AGAP1: variants seen among roughly 807,000 people sequenced by gnomAD.
AGAP1 encodes arf-GAP with GTPase, ANK repeat and PH domain-containing protein 1.
In AGAP1, 29 loss-of-function variants were observed where a neutral mutation model predicts 105.3. That is an observed-to-expected ratio of 0.28 (90% CI 0.21 to 0.38). The LOEUF (loss-of-function observed/expected upper bound fraction) is 0.38, where lower values mean the gene tolerates loss of function less well. Ranked by LOEUF, AGAP1 falls within the 10% of genes least tolerant of loss-of-function variation. The pLI is 1.00. For synonymous variants in AGAP1, 509 were observed against 485.9 expected (o/e 1.05, Z -0.63); for missense variants, 998 against 1,165.1 (o/e 0.86, Z 2.09).
At chr2:235,503,941 C>T (rs531181505) in intron 1 of AGAP1, among the ~76,000 whole-genome samples, 2 of 152,308 alleles carry the variant, frequency 1.3e-5, no homozygotes, top group South Asian at 4.1e-4. Context: ...GGCTGAAGTA[C>T]AGTGGCACGA....
At chr2:235,742,883 G>T (rs1952673531) in intron 4 of AGAP1, among the ~76,000 whole-genome samples, 1 of 152,132 alleles carries the variant, frequency 6.6e-6, no homozygotes, top group Non-Finnish European at 1.5e-5. Flanking sequence ...ATCTACAGAA[G>T]AGGCTAGGTG....
chr2:236,051,373 C>T lies in AGAP1; in HGVS notation c.2114+2092C>T, dbSNP rs1462959649. The stretch of plus-strand genomic sequence containing the variant: ...GCAGTTCCCTGGTGATTGGTGAAGG[C>T]TCTCAGGGCTGCCTGAGGATGCCAG... On this transcript the variant is annotated intron_variant, in intron 16 of 17. Transcript: ENST00000304032. The surrounding 1 kb of genome is among the most constrained non-coding windows in gnomAD (Gnocchi z 5.9). 6.6e-6 allele frequency among the ~76,000 whole-genome samples: 1 copy of T among 152,198 alleles called. No homozygotes were observed. The highest frequency in any genetic ancestry group is 1.5e-5 in the Non-Finnish European group (1 of 68,030).
rs193096312 is a variant in AGAP1 at position 235,620,410 on chromosome 2, C to G, written c.164-88769C>G. ...CCTCTGCCAAAACCTCCTCCTGGCC[C>G]TCGCCTTCTGCCACTCTCCCCTTGC... On this transcript the variant is annotated intron_variant, in intron 1 of 17. Transcript: ENST00000304032. The surrounding 1 kb of genome is among the most constrained non-coding windows in gnomAD (Gnocchi z 4.5). Among the ~76,000 whole-genome samples the G allele has an allele frequency of 2.2e-3, 332 of 152,322 alleles. No individual in the cohort carries two copies. The highest frequency in any genetic ancestry group is 3.9e-3 in the South Asian group (19 of 4,830).
At chr2:235,940,413 A>G (rs1009936047) in intron 12 of AGAP1, among the ~76,000 whole-genome samples, 8 of 152,040 alleles carry the variant, frequency 5.3e-5, no homozygotes, top group Non-Finnish European at 8.8e-5. Flanking sequence ...TAGATTCCCA[A>G]TTCTTGATTT....
At position 235,958,230 on chromosome 2, in the gene AGAP1, C is replaced by T. The variant is rs13412569; in HGVS notation, c.1484-10232C>T. ...TCGTGGCGTGCCCCTCATCAAACTA[C>T]GTCCCCTGAGGGAGAGTGGTTGGAG... On this transcript the variant is annotated intron_variant, in intron 12 of 17. Coordinates refer to ENST00000304032, the MANE Select transcript of AGAP1 (RefSeq NM_001037131.3). The surrounding 1 kb of genome is among the most constrained non-coding windows in gnomAD (Gnocchi z 4.1). Among the ~76,000 whole-genome samples the T allele has an allele frequency of 2.2e-4, 33 of 152,268 alleles. No individual in the cohort carries two copies. The East Asian group carries it at 4.1e-3, about 19-fold the overall frequency.
At chr2:235,702,934 G>GTTTTTTGTTTTTTTTTTTT (rs1950326496) in intron 1 of AGAP1, among the ~76,000 whole-genome samples, 1 of 88,946 alleles carries the variant, frequency 1.1e-5, no homozygotes, top group African/African-American at 3.7e-5. Flanking sequence ...AGTTTTCTTG[G>GTTTTTTGTTTTTTTTTTTT]TTTTTTTTTT....
chr2:235,735,772 A>C (rs1041385212), intron 3 of AGAP1, among the ~76,000 whole-genome samples: 2 of 152,128 alleles, frequency 1.3e-5, no homozygotes, highest in Non-Finnish European at 2.9e-5. Flanking sequence ...GGGCAAACTA[A>C]GGCACCCAGC....
rs2054434900 is a variant in AGAP1 at position 235,967,149 on chromosome 2, A to G, written c.1484-1313A>G. On this transcript the variant is annotated intron_variant, in intron 12 of 17. Coordinates refer to ENST00000304032, the MANE Select transcript of AGAP1 (RefSeq NM_001037131.3). The surrounding 1 kb of genome is among the most constrained non-coding windows in gnomAD (Gnocchi z 4.7). The stretch of plus-strand genomic sequence containing the variant: ...CAGGCCTCTCCCACCCACACCGGCC[A>G]CCGCCACTCGGGCCCCCTCTCCGTT... Among the ~76,000 whole-genome samples, 1 of 151,458 alleles carries G rather than the reference A, an allele frequency of 6.6e-6. No homozygotes were observed. Among genetic ancestry groups the G allele is most frequent in the African/African-American group, 2.4e-5 (1 of 41,202 alleles).
At chr2:235,803,403 C>T (rs1302926857) in intron 8 of AGAP1, among the ~76,000 whole-genome samples, 18 of 152,154 alleles carry the variant, frequency 1.2e-4, no homozygotes, top group Non-Finnish European at 2.6e-4. Context: ...GACTCTTCAT[C>T]CCTGGCAGTT....
intron 6 of AGAP1, among the ~76,000 whole-genome samples, chr2:235,760,224 C>G (rs1954323244): frequency 6.6e-6 from 1 of 152,062 alleles, no homozygotes; most frequent in South Asian, 2.1e-4. Flanking sequence ...TCTAAAAATA[C>G]AAAAATTAGC....
At chr2:236,023,840 C>T (rs914660918) in intron 13 of AGAP1, among the ~76,000 whole-genome samples, 1 of 152,060 alleles carries the variant, frequency 6.6e-6, no homozygotes, top group Non-Finnish European at 1.5e-5. Context: ...GCCTCAGGAG[C>T]CTGGATTTCA....
chr2:236,082,123 C>T lies in AGAP1; in HGVS notation c.2114+32842C>T, dbSNP rs967851714. Among the ~76,000 whole-genome samples, 9 of 152,286 alleles carry T rather than the reference C, an allele frequency of 5.9e-5. No individual in the cohort carries two copies. The highest frequency in any genetic ancestry group is 1.9e-4 in the East Asian group (1 of 5,174). On this transcript the variant is annotated intron_variant, in intron 16 of 17. Coordinates refer to ENST00000304032, the MANE Select transcript of AGAP1 (RefSeq NM_001037131.3). This position sits in a 1 kb window ranked among gnomAD's most constrained non-coding sequence, Gnocchi z 4.2. ...TCCTCTGGTGCCCTTTTCTTTCCCCCGATCACATTTGCTAGATGTCCATTT... is the reference window on the plus strand; with the variant it reads ...TCCTCTGGTGCCCTTTTCTTTCCCCTGATCACATTTGCTAGATGTCCATTT...
Position 235,648,661 on chromosome 2 carries a change from C to CA in AGAP1, c.164-60517dup, listed in dbSNP as rs1947472437. Reference sequence around the variant, plus strand: ...AGCCGAGGCAGGCAGATCACTAGGTCAGGAGATTGAGACCATCCTGGCTAA... The same window carrying CA: ...AGCCGAGGCAGGCAGATCACTAGGTCAAGGAGATTGAGACCATCCTGGCTAA... On this transcript the variant is annotated intron_variant, in intron 1 of 17. Coordinates refer to ENST00000304032, the MANE Select transcript of AGAP1 (RefSeq NM_001037131.3). Among the ~76,000 whole-genome samples the CA allele has an allele frequency of 2.7e-5, 4 of 145,538 alleles. No homozygotes were observed. The South Asian group carries it at 6.5e-4, about 24-fold the overall frequency.
rs1441342337 is a variant in AGAP1, at chr2:235,824,508, G to T, written c.1050+17177G>T. Among the ~76,000 whole-genome samples the T allele has an allele frequency of 6.6e-6, 1 of 152,224 alleles. No homozygotes were observed. The highest frequency in any genetic ancestry group is 1.5e-5 in the Non-Finnish European group (1 of 68,042). On this transcript the variant is annotated intron_variant, in intron 9 of 17. Coordinates refer to ENST00000304032, the MANE Select transcript of AGAP1 (RefSeq NM_001037131.3). This position sits in a 1 kb window ranked among gnomAD's most constrained non-coding sequence, Gnocchi z 5.2. Reference sequence around the variant, plus strand: ...TTGTAAACTCATTTACAGCGTCAGTGTGTGTTAGGACCATCATTGAGATGC... The same window carrying T: ...TTGTAAACTCATTTACAGCGTCAGTTTGTGTTAGGACCATCATTGAGATGC...
chr2:235,885,416 A>G (rs1365083677), intron 10 of AGAP1, among the ~76,000 whole-genome samples: 1 of 152,190 alleles, frequency 6.6e-6, no homozygotes, highest in African/African-American at 2.4e-5. Context: ...AACTCTAATC[A>G]ACGTTCCTCT....
chr2:235,937,936 C>T (rs1262348897), intron 12 of AGAP1, among the ~76,000 whole-genome samples: 1 of 152,256 alleles, frequency 6.6e-6, no homozygotes, highest in Non-Finnish European at 1.5e-5. Context: ...TGGCCCCTTC[C>T]AGCTGCGGTT....
chr2:235,976,228 C>G lies in AGAP1; in HGVS notation c.1645+7605C>G, dbSNP rs769946353. Reference sequence around the variant, plus strand: ...ACAAACTAGATGACTTTTCCAAAGACAGTTTGCTCTCAGGTTGTAACTCCA... The same window carrying G: ...ACAAACTAGATGACTTTTCCAAAGAGAGTTTGCTCTCAGGTTGTAACTCCA... On this transcript the variant is annotated intron_variant, in intron 13 of 17. Coordinates refer to ENST00000304032, the MANE Select transcript of AGAP1 (RefSeq NM_001037131.3). This position sits in a 1 kb window ranked among gnomAD's most constrained non-coding sequence, Gnocchi z 4.5. Among the ~76,000 whole-genome samples the G allele has an allele frequency of 8.5e-5, 13 of 152,178 alleles. No homozygotes were observed. Among genetic ancestry groups the G allele is most frequent in the Non-Finnish European group, 1.5e-4 (10 of 68,044 alleles).
Position 235,964,162 on chromosome 2 carries a change from G to C in AGAP1, c.1484-4300G>C, listed in dbSNP as rs2054297088. On this transcript the variant is annotated intron_variant, in intron 12 of 17. Transcript: ENST00000304032. The surrounding 1 kb of genome is among the most constrained non-coding windows in gnomAD (Gnocchi z 4.6). ...GTGTAGAGATGAGAAATGTTAGTTT[G>C]GGAGAGAGTGTTACAAACACAGAGT... Among the ~76,000 whole-genome samples, 1 of 152,128 alleles carries C rather than the reference G, an allele frequency of 6.6e-6. No individual in the cohort carries two copies. Among genetic ancestry groups the C allele is most frequent in the Non-Finnish European group, 1.5e-5 (1 of 68,020 alleles).
rs542859263 is a variant in AGAP1 at position 236,036,410 on chromosome 2, A to G, written c.1646-151A>G. The G allele has an allele frequency of 6.7e-6, 7 of 1,045,950 alleles. No homozygotes were observed. In the East Asian group the frequency reaches 1.7e-4, roughly 26 times the overall value. The allele number at this position is 1,045,950 out of a possible 1,614,324, so 64.8% of individuals were successfully genotyped here. ...GGACTGTTGGGAGGTGCATGGATTCAAATCTCCGCCGCCGTGGTTGTCCAG... is the reference window on the plus strand; with the variant it reads ...GGACTGTTGGGAGGTGCATGGATTCGAATCTCCGCCGCCGTGGTTGTCCAG... On this transcript the variant is annotated intron_variant, in intron 13 of 17. Transcript: ENST00000304032. The surrounding 1 kb of genome is among the most constrained non-coding windows in gnomAD (Gnocchi z 5.7).
Sources: gnomAD v4.1 joint callset for allele counts (sites outside exome capture counted in the v4.1 genomes callset) on GRCh38, gnomAD v4.1.1 for gene constraint, Gnocchi (gnomAD v3.1) non-coding constraint, MANE v1.5 for transcripts, NCBI Gene and HGNC (gene_info 2026-07-23, HGNC 2026-07-21) for gene names.